EBF3: variants seen among roughly 807,000 people sequenced by gnomAD.
The protein encoded by EBF3 is transcription factor COE3.
Under a neutral mutation model 77.1 loss-of-function variants are expected in EBF3, and 18 were observed. The ratio of observed to expected loss-of-function variants is 0.23; its 90% CI spans 0.16 to 0.35. The LOEUF is 0.35. EBF3 is among the 10% of genes least tolerant of loss of function. The pLI is 1.00. For missense variants in EBF3, 558 were observed against 860.0 expected (o/e 0.65, Z 4.39); for synonymous variants, 350 against 343.5 (o/e 1.02, Z -0.21).
At chr10:129,925,517 G>A (rs1004677987) in intron 6 of EBF3, among the ~76,000 whole-genome samples, 2 of 151,102 alleles carry the variant, frequency 1.3e-5, no homozygotes, top group Admixed American at 6.6e-5. Flanking sequence ...ACTTGGACCC[G>A]GGAGGCAGAG....
chr10:129,853,763 T>A (rs1172366934), intron 10 of EBF3, among the ~76,000 whole-genome samples: 1 of 152,206 alleles, frequency 6.6e-6, no homozygotes, highest in Non-Finnish European at 1.5e-5. Context: ...TAGAGGGTGT[T>A]AGTGATTTCA....
rs771097319 is a variant in EBF3, at chr10:129,938,172, T to A, written c.554+19086A>T. Among the ~76,000 whole-genome samples, 12 of 152,120 alleles carry A rather than the reference T, an allele frequency of 7.9e-5. No individual in the cohort carries two copies. Among genetic ancestry groups the A allele is most frequent in the Non-Finnish European group, 1.5e-4 (10 of 68,024 alleles). On this transcript the variant is annotated intron_variant, in intron 6 of 16. Coordinates refer to ENST00000440978, the MANE Select transcript of EBF3 (RefSeq NM_001375380.1). The surrounding 1 kb of genome is among the most constrained non-coding windows in gnomAD (Gnocchi z 5.1). Reference sequence around the variant, plus strand: ...TTTTGTGCGAGGCTAGCCCCCCGCATGAGGCTTCATCAGTGAGCCCCTCTG... The same window carrying A: ...TTTTGTGCGAGGCTAGCCCCCCGCAAGAGGCTTCATCAGTGAGCCCCTCTG...
Position 129,869,598 on chromosome 10 carries a change from G to A in EBF3, c.782-1686C>T, listed in dbSNP as rs1056215066. Reference sequence around the variant, plus strand: ...ATAAGCGGGAGTTTTCCGGAAGCCCGCGTGCCGTGGTTTCCCTGACAGGTC... The same window carrying A: ...ATAAGCGGGAGTTTTCCGGAAGCCCACGTGCCGTGGTTTCCCTGACAGGTC... On this transcript the variant is annotated intron_variant, in intron 8 of 16. Transcript: ENST00000440978. 4.6e-5 allele frequency among the ~76,000 whole-genome samples: 7 copies of A among 152,312 alleles called. No homozygotes were observed. In the South Asian group the frequency reaches 8.3e-4, roughly 18 times the overall value.
At chr10:129,905,463 T>A (rs1054805860) in intron 6 of EBF3, among the ~76,000 whole-genome samples, 1 of 152,030 alleles carries the variant, frequency 6.6e-6, no homozygotes, top group African/African-American at 2.4e-5. Flanking sequence ...TTTGTTAGTG[T>A]GGTTACTTGA....
intron 7 of EBF3, among the ~76,000 whole-genome samples, chr10:129,875,629 T>A (rs1852722900): frequency 6.6e-6 from 1 of 152,382 alleles, no homozygotes; most frequent in East Asian, 1.9e-4. Flanking sequence ...GCCAGGATTG[T>A]TGAGGTCGCA....
At chr10:129,915,880 G>A (rs1488144616) in intron 6 of EBF3, among the ~76,000 whole-genome samples, 1 of 152,178 alleles carries the variant, frequency 6.6e-6, no homozygotes, top group African/African-American at 2.4e-5. Flanking sequence ...CTCCTTCCCG[G>A]GTGGCAGGGA....
chr10:129,918,655 C>G lies in EBF3; in HGVS notation c.554+38603G>C, dbSNP rs568509724. Among the ~76,000 whole-genome samples, 35 of 152,350 alleles carry G rather than the reference C, an allele frequency of 2.3e-4. No homozygotes were observed. The South Asian group carries it at 7.0e-3, about 31-fold the overall frequency. Reference sequence around the variant, plus strand: ...CCCTGCCCTACCCCCCTCCCCAGCTCCCTGCCCCAGGGGCCTACAGGTCAG... The same window carrying G: ...CCCTGCCCTACCCCCCTCCCCAGCTGCCTGCCCCAGGGGCCTACAGGTCAG... On this transcript the variant is annotated intron_variant, in intron 6 of 16. Transcript: ENST00000440978.
rs77696328 is a variant in EBF3 at position 129,913,698 on chromosome 10, G to T, written c.555-35849C>A. Among the ~76,000 whole-genome samples the T allele has an allele frequency of 9.0e-3, 1,377 of 152,324 alleles. 21 individuals carry two copies. Among genetic ancestry groups the T allele is most frequent in the South Asian group, 0.058 (279 of 4,822 alleles). On this transcript the variant is annotated intron_variant, in intron 6 of 16. Transcript: ENST00000440978. Reference sequence around the variant, plus strand: ...GTGCTACGAATGCTAGATCACCACCGGTGAGGGGCCCAGGGGTCTGGCTGT... The same window carrying T: ...GTGCTACGAATGCTAGATCACCACCTGTGAGGGGCCCAGGGGTCTGGCTGT...
chr10:129,916,501 G>A (rs773045913), intron 6 of EBF3, among the ~76,000 whole-genome samples: 8 of 152,236 alleles, frequency 5.3e-5, no homozygotes, highest in South Asian at 2.1e-4. Flanking sequence ...GGGGCATCTC[G>A]TGTTGTTTCC....
intron 8 of EBF3, among the ~76,000 whole-genome samples, chr10:129,869,254 G>T (rs1489554944): frequency 6.6e-6 from 1 of 152,176 alleles, no homozygotes; most frequent in African/African-American, 2.4e-5. Context: ...TAGAATAAGG[G>T]ACTCAACCCT....
At chr10:129,957,416 T>C (rs1475246291) in intron 5 of EBF3, 90 bp from the exon 6 acceptor site, 3 of 1,078,152 alleles carry the variant, frequency 2.8e-6, no homozygotes, top group Non-Finnish European at 2.7e-6. Context: ...CGTCTGACAA[T>C]GAAGCGGTAG....
intron 4 of EBF3, among the ~76,000 whole-genome samples, chr10:129,961,206 A>G (rs1023773528): frequency 1.3e-5 from 2 of 152,236 alleles, no homozygotes; most frequent in African/African-American, 4.8e-5. Context: ...TCAAAACCGA[A>G]GAAGCCACTT....
intron 6 of EBF3, among the ~76,000 whole-genome samples, chr10:129,888,418 T>C (rs1342529959): frequency 6.6e-6 from 1 of 152,264 alleles, no homozygotes; most frequent in East Asian, 1.9e-4. Context: ...TTACATTTCC[T>C]TCCAAAATGC....
rs551636630 is a variant in EBF3 at position 129,897,580 on chromosome 10, G to A, written c.555-19731C>T. 5.3e-4 allele frequency among the ~76,000 whole-genome samples: 81 copies of A among 152,138 alleles called. No individual in the cohort carries two copies. Among genetic ancestry groups the A allele is most frequent in the African/African-American group, 1.6e-3 (65 of 41,516 alleles). Reference sequence around the variant, plus strand: ...AACCCAGCACACGACCCTTTTATCCGAGAGGCGAAGCCCGGGAAGGTTCTC... The same window carrying A: ...AACCCAGCACACGACCCTTTTATCCAAGAGGCGAAGCCCGGGAAGGTTCTC... On this transcript the variant is annotated intron_variant, in intron 6 of 16. Coordinates refer to ENST00000440978, the MANE Select transcript of EBF3 (RefSeq NM_001375380.1). This position sits in a 1 kb window ranked among gnomAD's most constrained non-coding sequence, Gnocchi z 4.6.
At chr10:129,876,515 A>T (rs957273223) in intron 7 of EBF3, among the ~76,000 whole-genome samples, 3 of 152,238 alleles carry the variant, frequency 2.0e-5, no homozygotes, top group African/African-American at 7.2e-5. Flanking sequence ...GCGGGCCCAA[A>T]GAGCCCGCCT....
intron 6 of EBF3, among the ~76,000 whole-genome samples, chr10:129,956,280 G>A (rs1859028474): frequency 6.6e-6 from 1 of 152,150 alleles, no homozygotes; most frequent in Non-Finnish European, 1.5e-5. Context: ...AATGAAAGCT[G>A]CGGAAATTCA....
chr10:129,836,393 AAAAAT>A lies in EBF3; in HGVS notation c.*1545_*1549del, dbSNP rs201240153. The A allele has an allele frequency of 0.034, 5,246 of 152,690 alleles. 118 individuals are homozygous for A. The highest frequency in any genetic ancestry group is 0.048 in the Non-Finnish European group (3,259 of 68,032). The allele number at this position is 152,690 out of a possible 1,614,324, so 9.5% of individuals were successfully genotyped here. ...TAAAATGACTTTTTACATTCTACAA[AAAAAT>A]AAAATAAAATAAGGACACAGCCCCA... is the stretch of plus-strand genomic sequence containing the variant. On this transcript the variant is annotated 3_prime_UTR_variant, in exon 17 of 17. Coordinates refer to ENST00000440978, the MANE Select transcript of EBF3 (RefSeq NM_001375380.1).
chr10:129,940,526 C>T lies in EBF3; in HGVS notation c.554+16732G>A, dbSNP rs187082168. ...ACCTCAAACAAGCTTCTCAATGTCC[C>T]CAAATCTGAGGAAATGACAGTCATT... On this transcript the variant is annotated intron_variant, in intron 6 of 16. Transcript: ENST00000440978. 1.9e-3 allele frequency among the ~76,000 whole-genome samples: 287 copies of T among 152,320 alleles called. 6 individuals carry two copies. Among genetic ancestry groups the T allele is most frequent in the Admixed American group, 0.019 (286 of 15,302 alleles).
chr10:129,958,594 T>C (rs919995474), intron 5 of EBF3, among the ~76,000 whole-genome samples: 1 of 152,188 alleles, frequency 6.6e-6, no homozygotes, highest in Non-Finnish European at 1.5e-5. Context: ...TGCGAGCGCC[T>C]GAGAAGGAAG....
Sources: gnomAD v4.1 joint callset for allele counts (sites outside exome capture counted in the v4.1 genomes callset) on GRCh38, gnomAD v4.1.1 for gene constraint, Gnocchi (gnomAD v3.1) non-coding constraint, MANE v1.5 for transcripts, NCBI Gene and HGNC (gene_info 2026-07-23, HGNC 2026-07-21) for gene names.